Variants in DEPDC7 observed in about 807,000 individuals in gnomAD.
DEPDC7 encodes the protein DEP domain-containing protein 7.
In DEPDC7, 41 loss-of-function variants were observed where a neutral mutation model predicts 56.6. The observed-to-expected ratio is 0.72, with a 90% CI of 0.56 to 0.94. The LOEUF is 0.94. Ranked by LOEUF, DEPDC7 falls within the 40% of genes least tolerant of loss-of-function variation. DEPDC7 has a pLI of 0.00. For synonymous variants in DEPDC7, 185 were observed against 208.8 expected (o/e 0.89, Z 0.98); for missense variants, 522 against 596.3 (o/e 0.88, Z 1.30).
chr11:33,016,627 T>C lies in DEPDC7; in HGVS notation c.73+599T>C, dbSNP rs769831778. On this transcript the variant is annotated intron_variant, in intron 1 of 8. Transcript: ENST00000241051. ...TATGTATAAGCAGTATTTTAGTGAATAGAAGTTTTTGGCTAAAAAAACAGT... is the reference window on the plus strand; with the variant it reads ...TATGTATAAGCAGTATTTTAGTGAACAGAAGTTTTTGGCTAAAAAAACAGT... 26 of 1,600,874 alleles carry C rather than the reference T, an allele frequency of 1.6e-5. No homozygotes were observed. In the East Asian group the frequency reaches 4.7e-4, roughly 29 times the overall value.
rs1853601898 is a variant in DEPDC7 at position 33,028,632 on chromosome 11, A to G, written c.622A>G (p.Ile208Val). Reference protein sequence around the residue: ...VINEVWQEETIGRLLQLVDLP... With the variant: ...VINEVWQEETVGRLLQLVDLP... Reference sequence around the variant, plus strand: ...TAATGAAGTGTGGCAAGAAGAAACAATTGGGCGTCTACTACAACTTGTAGA... The same window carrying G: ...TAATGAAGTGTGGCAAGAAGAAACAGTTGGGCGTCTACTACAACTTGTAGA... Residue 208 changes from isoleucine to valine, a missense_variant, in exon 4 of 9, where the codon ATT becomes GTT. Coordinates refer to ENST00000241051, the MANE Select transcript of DEPDC7 (RefSeq NM_001077242.2). 1 of 1,600,714 alleles carries G rather than the reference A, an allele frequency of 6.2e-7. No homozygotes were observed. Among genetic ancestry groups the G allele is most frequent in the Non-Finnish European group, 8.5e-7 (1 of 1,176,730 alleles).
intron 1 of DEPDC7, chr11:33,016,693 G>C (rs1247611661): frequency 9.5e-7 from 1 of 1,057,944 alleles, no homozygotes; most frequent in East Asian, 2.4e-5. Flanking sequence ...TCTGCCACGG[G>C]CCTAATCGTG....
chr11:33,024,233 G>T (rs573249849), intron 1 of DEPDC7, among the ~76,000 whole-genome samples: 437 of 152,254 alleles, frequency 2.9e-3, no homozygotes, highest in Non-Finnish European at 4.2e-3. Flanking sequence ...TTGAAAGTTT[G>T]TTTTTCTCCT....
rs1188682445 is a variant in DEPDC7, at chr11:33,032,373, G to A, written c.1032G>A (p.Gln344=). 1.7e-5 allele frequency: 26 copies of A among 1,572,364 alleles called. No individual in the cohort carries two copies. Among genetic ancestry groups the A allele is most frequent in the Non-Finnish European group, 2.1e-5 (24 of 1,168,536 alleles). The part of the protein sequence containing the change: ...GKTEIALEAT[Q]LLLKLLDFQN... ...CGGAAATAGCTTTAGAAGCTACCCA[G>A]CTCCTTCTAAAGCTTTTAGATTTCC... Residue 344 remains glutamine, a synonymous_variant, in exon 6 of 9, where the codon CAG becomes CAA. Coordinates refer to ENST00000241051, the MANE Select transcript of DEPDC7 (RefSeq NM_001077242.2).
intron 3 of DEPDC7, chr11:33,028,152 A>G (rs1372965933): frequency 2.4e-5 from 5 of 204,128 alleles, no homozygotes; most frequent in Non-Finnish European, 4.8e-5. Context: ...ACATTAAAAC[A>G]TTAACAGAAT....
intron 1 of DEPDC7, among the ~76,000 whole-genome samples, chr11:33,021,572 G>T (rs745399757): frequency 3.3e-5 from 5 of 152,178 alleles, no homozygotes; most frequent in South Asian, 2.1e-4. Flanking sequence ...TAAAAAGCAG[G>T]TTATCCTGGT....
chr11:33,029,867 A>G (rs1260228160), intron 4 of DEPDC7, among the ~76,000 whole-genome samples: 4 of 152,262 alleles, frequency 2.6e-5, no homozygotes, highest in Admixed American at 2.0e-4. Flanking sequence ...TTAAAGCCTT[A>G]TATGAAAAAG....
intron 1 of DEPDC7, among the ~76,000 whole-genome samples, chr11:33,022,905 C>T (rs1380606875): frequency 6.6e-6 from 1 of 152,152 alleles, no homozygotes; most frequent in African/African-American, 2.4e-5. Context: ...TTACTTCCAT[C>T]TTTGTTTAGT....
Position 33,031,539 on chromosome 11 carries a change from C to T in DEPDC7, c.944C>T (p.Pro315Leu). ...AIGRYYSSREPLLNHLSDVHN... is the reference protein window; with the variant it reads ...AIGRYYSSRELLLNHLSDVHN... The stretch of plus-strand genomic sequence containing the variant: ...GGCAGATATTACAGTAGTAGGGAAC[C>T]TCTGTTAAATCACTTATCTGACGTT... Residue 315 changes from proline to leucine, a missense_variant, in exon 5 of 9, where the codon CCT (proline) becomes CTT (leucine). Transcript: ENST00000241051. 1 of 1,614,104 alleles carries T rather than the reference C, an allele frequency of 6.2e-7. No homozygotes were observed. The highest frequency in any genetic ancestry group is 8.5e-7 in the Non-Finnish European group (1 of 1,179,952).
At chr11:33,019,458 G>A (rs1853500697) in intron 1 of DEPDC7, among the ~76,000 whole-genome samples, 1 of 151,990 alleles carries the variant, frequency 6.6e-6, no homozygotes, top group Non-Finnish European at 1.5e-5. Flanking sequence ...TTGAGGCCAG[G>A]AGTTTGAGAC....
intron 1 of DEPDC7, among the ~76,000 whole-genome samples, chr11:33,024,225 G>T (rs1853551096): frequency 6.6e-6 from 1 of 152,116 alleles, no homozygotes; most frequent in Admixed American, 6.6e-5. Flanking sequence ...GGATATTTTT[G>T]AAAGTTTGTT....
At position 33,028,804 on chromosome 11, in the gene DEPDC7, TAC is replaced by T; in HGVS notation, c.782+14_782+15del. The T allele has an allele frequency of 6.4e-7, 1 of 1,572,758 alleles. No individual in the cohort carries two copies. ...TATAGTGACTCTCAGTATGTGGAAA[TAC>T]ATATAATAATTTGAGTGTGTTTGTA... On this transcript the variant is annotated intron_variant, in intron 4 of 8. Transcript: ENST00000241051.
intron 1 of DEPDC7, 188 bp downstream of exon 1, chr11:33,016,216 TCTGG>T (rs1437980278): frequency 2.5e-5 from 33 of 1,297,214 alleles, no homozygotes; most frequent in Non-Finnish European, 3.2e-5. Context: ...CGAGTTCCTC[TCTGG>T]CTGGTGGGCT....
chr11:33,033,333 CT>C lies in DEPDC7; in HGVS notation c.1415del (p.Leu472ArgfsTer2), dbSNP rs1853653593. 5 of 1,609,432 alleles carry C rather than the reference CT, an allele frequency of 3.1e-6. No individual in the cohort carries two copies. The highest frequency in any genetic ancestry group is 4.2e-6 in the Non-Finnish European group (5 of 1,178,384). On this transcript the variant is annotated frameshift_variant, in exon 9 of 9. Coordinates refer to ENST00000241051, the MANE Select transcript of DEPDC7 (RefSeq NM_001077242.2). LOFTEE classifies it high-confidence loss of function. ...NNTEKTTKDELLNLLKTLDED... is the reference protein window; with the variant it reads ...NNTEKTTKDEXLNLLKTLDED... ...TACAGAGAAGACAACCAAAGATGAG[CT>C]GTTGAATTTACTAAAAACTCTTGAT...
rs200200424 is a variant in DEPDC7, at chr11:33,027,753, C to T, written c.532C>T (p.Leu178=). 1 of 1,578,754 alleles carries T rather than the reference C, an allele frequency of 6.3e-7. No homozygotes were observed. The highest frequency in any genetic ancestry group is 1.4e-5 in the African/African-American group (1 of 72,474). Residue 178 remains leucine, a synonymous_variant, in exon 3 of 9, where the codon CTG becomes TTG. Transcript: ENST00000241051. ...SASLEDLWEN[L]SLKPANSPHV... Reference sequence around the variant, plus strand: ...CAGTTTAGAGGACCTGTGGGAAAATCTGAGTTTAAAGCCTGCCAACTCCCC... The same window carrying T: ...CAGTTTAGAGGACCTGTGGGAAAATTTGAGTTTAAAGCCTGCCAACTCCCC...
chr11:33,030,014 C>G (rs892356257), intron 4 of DEPDC7, among the ~76,000 whole-genome samples: 8 of 152,102 alleles, frequency 5.3e-5, no homozygotes, highest in Middle Eastern at 6.8e-3. Flanking sequence ...GGCTGGAGTG[C>G]AGTGGCATGA....
At chr11:33,024,109 A>T (rs1853550177) in intron 1 of DEPDC7, among the ~76,000 whole-genome samples, 1 of 152,250 alleles carries the variant, frequency 6.6e-6, no homozygotes, top group Non-Finnish European at 1.5e-5. Flanking sequence ...CCACCAAGTG[A>T]GTGATTCACT....
Position 33,028,455 on chromosome 11 carries a change from TTTG to T in DEPDC7, c.593-145_593-143del, listed in dbSNP as rs537889266. The T allele has an allele frequency of 2.8e-3, 1,653 of 584,758 alleles. 6 individuals carry two copies. Among genetic ancestry groups the T allele is most frequent in the Non-Finnish European group, 3.9e-3 (1,356 of 345,726 alleles). The allele number at this position is 584,758 out of a possible 1,614,324, so 36.2% of individuals were successfully genotyped here. ...CTAAACAAATCTTGGATTGTTTTAC[TTTG>T]TTATAAGAAAGCACTTCGTAAGGTT... On this transcript the variant is annotated intron_variant, in intron 3 of 8. Transcript: ENST00000241051.
intron 2 of DEPDC7, chr11:33,026,388 T>C: frequency 3.2e-6 from 1 of 314,372 alleles, no homozygotes; most frequent in Non-Finnish European, 6.1e-6. Context: ...AAGGAATTAT[T>C]TAAAGGGAAA....
Sources: allele counts gnomAD v4.1 joint callset (sites outside exome capture counted in the v4.1 genomes callset), GRCh38; gene constraint gnomAD v4.1.1; transcripts MANE v1.5; gene names NCBI Gene and HGNC (gene_info 2026-07-23, HGNC 2026-07-21).